The following DPF3 variants were observed in gnomAD, a reference collection of about 807,000 sequenced individuals.
The protein encoded by DPF3 is double PHD fingers 3, also known as zinc finger protein DPF3.
A neutral mutation model predicts 56.8 loss-of-function variants in DPF3; 18 were observed. The observed-to-expected ratio is 0.32, with a 90% CI of 0.22 to 0.47. DPF3 has a LOEUF of 0.47. DPF3 is among the 20% of genes least tolerant of loss of function. The pLI is 1.00. For synonymous variants in DPF3, 188 were observed against 180.2 expected (o/e 1.04, Z -0.35); for missense variants, 403 against 488.8 (o/e 0.82, Z 1.65).
intron 3 of DPF3, among the ~76,000 whole-genome samples, chr14:72,751,012 G>A (rs1287771781): frequency 6.6e-6 from 1 of 152,054 alleles, no homozygotes; most frequent in African/African-American, 2.4e-5. Flanking sequence ...GTAGCATAGT[G>A]AGACCCTGTC....
chr14:72,637,998 T>C (rs1219026784), intron 8 of DPF3, among the ~76,000 whole-genome samples: 1 of 152,148 alleles, frequency 6.6e-6, no homozygotes, highest in Non-Finnish European at 1.5e-5. Context: ...ATGCAATAAG[T>C]TAGGCCTATA....
intron 5 of DPF3, among the ~76,000 whole-genome samples, chr14:72,715,159 C>CT (rs1389695654): frequency 3.3e-5 from 5 of 152,220 alleles, no homozygotes; most frequent in Non-Finnish European, 5.9e-5. Context: ...TGTGGTCTGC[C>CT]TTGGGCCTTC....
intron 6 of DPF3, among the ~76,000 whole-genome samples, chr14:72,710,314 C>T (rs1179077179): frequency 6.6e-6 from 1 of 152,228 alleles, no homozygotes; most frequent in Non-Finnish European, 1.5e-5. Flanking sequence ...AATTAAAAAT[C>T]AAGCGCTGGA....
intron 8 of DPF3, among the ~76,000 whole-genome samples, chr14:72,660,888 G>T (rs1274777511): frequency 6.6e-6 from 1 of 152,218 alleles, no homozygotes; most frequent in African/African-American, 2.4e-5. Flanking sequence ...GGCAACTGCT[G>T]TTCTAGACCA....
intron 6 of DPF3, among the ~76,000 whole-genome samples, chr14:72,702,127 G>A (rs759513180): frequency 5.3e-5 from 8 of 152,150 alleles, no homozygotes; most frequent in Admixed American, 1.3e-4. Context: ...CTTGAAGCAC[G>A]TGACTGAAAG....
At chr14:72,888,141 G>C (rs941702986) in intron 1 of DPF3, among the ~76,000 whole-genome samples, 22 of 152,004 alleles carry the variant, frequency 1.4e-4, no homozygotes, top group African/African-American at 4.8e-4. Flanking sequence ...CCCATTATTA[G>C]GAGCTCTGAA....
intron 1 of DPF3, chr14:72,806,871 T>G (rs1158433013): frequency 6.6e-6 from 1 of 152,232 alleles, no homozygotes; most frequent in Non-Finnish European, 1.5e-5. Flanking sequence ...TATTACTCGG[T>G]GCTTAAATAT....
intron 6 of DPF3, among the ~76,000 whole-genome samples, chr14:72,699,719 C>T (rs1888078480): frequency 6.6e-6 from 1 of 152,106 alleles, no homozygotes; most frequent in Non-Finnish European, 1.5e-5. Context: ...CAGCAACCTG[C>T]ATCCCCATTT....
intron 3 of DPF3, among the ~76,000 whole-genome samples, chr14:72,734,206 A>T (rs1272980791): frequency 6.6e-6 from 1 of 152,236 alleles, no homozygotes; most frequent in Admixed American, 6.5e-5. Flanking sequence ...ATCAAAATGC[A>T]ATTACGAATT....
intron 1 of DPF3, among the ~76,000 whole-genome samples, chr14:72,826,113 A>G (rs1384547129): frequency 1.3e-5 from 2 of 152,182 alleles, no homozygotes; most frequent in East Asian, 1.9e-4. Flanking sequence ...CAACAACTTG[A>G]AAGAGTTGTC....
At chr14:72,684,172 G>A (rs1352527431) in intron 7 of DPF3, among the ~76,000 whole-genome samples, 4 of 151,914 alleles carry the variant, frequency 2.6e-5, no homozygotes, top group Admixed American at 6.6e-5. Flanking sequence ...TCAGCCTCCC[G>A]AGTAGCTGGG....
intron 2 of DPF3, among the ~76,000 whole-genome samples, chr14:72,768,571 T>C (rs1316064586): frequency 1.3e-5 from 2 of 152,232 alleles, no homozygotes; most frequent in African/African-American, 4.8e-5. Context: ...ATAGGGGATC[T>C]CTATTATATT....
intron 1 of DPF3, among the ~76,000 whole-genome samples, chr14:72,854,144 G>T (rs1408371353): frequency 1.3e-5 from 2 of 152,192 alleles, no homozygotes; most frequent in Non-Finnish European, 2.9e-5. Flanking sequence ...ATCACTTGGG[G>T]TCAGGAGTTC....
At chr14:72,813,984 A>T (rs1883175054) in intron 1 of DPF3, among the ~76,000 whole-genome samples, 1 of 152,220 alleles carries the variant, frequency 6.6e-6, no homozygotes, top group South Asian at 2.1e-4. Context: ...TCTCTCGCCC[A>T]GTACATGGTT....
chr14:72,651,609 T>C (rs890688729), intron 8 of DPF3, among the ~76,000 whole-genome samples: 6 of 152,228 alleles, frequency 3.9e-5, no homozygotes, highest in Non-Finnish European at 5.9e-5. Flanking sequence ...ATCATCTGAC[T>C]AATACCAGGT....
intron 1 of DPF3, among the ~76,000 whole-genome samples, chr14:72,817,490 G>A (rs114926218): frequency 0.013 from 1,933 of 152,148 alleles, 47 homozygotes; most frequent in African/African-American, 0.044. Context: ...GCAAAACCCC[G>A]TCTCAACTAA....
intron 6 of DPF3, among the ~76,000 whole-genome samples, chr14:72,705,080 T>C (rs1471695977): frequency 1.3e-5 from 2 of 152,174 alleles, no homozygotes; most frequent in African/African-American, 2.4e-5. Context: ...CCCCGGGCTA[T>C]AGACTGACAC....
chr14:72,704,533 C>G (rs1888324992), intron 6 of DPF3, among the ~76,000 whole-genome samples: 1 of 152,152 alleles, frequency 6.6e-6, no homozygotes, highest in African/African-American at 2.4e-5. Context: ...CACCCCCTGC[C>G]TGAGGTAGGC....
chr14:72,845,751 A>G (rs1184222214), intron 1 of DPF3, among the ~76,000 whole-genome samples: 7 of 152,156 alleles, frequency 4.6e-5, no homozygotes, highest in Admixed American at 4.6e-4. Flanking sequence ...TTTCTGTTAA[A>G]ATCTATCCAC....
Sources: allele counts gnomAD v4.1 joint callset (sites outside exome capture counted in the v4.1 genomes callset), GRCh38; gene constraint gnomAD v4.1.1; transcripts MANE v1.5; gene names NCBI Gene and HGNC (gene_info 2026-07-23, HGNC 2026-07-21).